The following RHOA variants were observed in gnomAD, a reference collection of about 807,000 sequenced individuals.
RHOA encodes the protein ras homolog family member A, also known as transforming protein RhoA.
In RHOA, 3 loss-of-function variants were observed where a neutral mutation model predicts 17.5. That is an observed-to-expected ratio of 0.17 (90% CI 0.08 to 0.44). The LOEUF is 0.44. Ranked by LOEUF, RHOA falls within the 20% of genes least tolerant of loss-of-function variation. The probability of loss-of-function intolerance (pLI) is 0.99; values close to 1 mark genes in which losing one functional copy is unlikely to be tolerated. For missense variants in RHOA, 56 were observed against 242.3 expected (o/e 0.23, Z 5.10); for synonymous variants, 98 against 88.4 (o/e 1.11, Z -0.61).
At chr3:49,400,465 A>C (rs1158571043) in intron 1 of RHOA, among the ~76,000 whole-genome samples, 6 of 152,204 alleles carry the variant, frequency 3.9e-5, no homozygotes, top group Non-Finnish European at 7.4e-5. Context: ...TGGCTACTCT[A>C]AATTCTTCTT....
intron 1 of RHOA, among the ~76,000 whole-genome samples, chr3:49,402,162 T>C (rs899094125): frequency 1.3e-5 from 2 of 152,194 alleles, no homozygotes; most frequent in African/African-American, 2.4e-5. Context: ...AAATCATTTA[T>C]CTCAAAATGT....
intron 3 of RHOA, chr3:49,365,186 A>C (rs2048035575): frequency 2.7e-5 from 4 of 146,856 alleles, no homozygotes; most frequent in Non-Finnish European, 4.5e-5. Context: ...TCTGTCGCCC[A>C]GGCTGGAGCG....
intron 1 of RHOA, among the ~76,000 whole-genome samples, chr3:49,388,582 A>T (rs2048441011): frequency 6.6e-6 from 1 of 152,164 alleles, no homozygotes; most frequent in Non-Finnish European, 1.5e-5. Flanking sequence ...CCATGCATTA[A>T]TGAGCAACTC....
intron 1 of RHOA, among the ~76,000 whole-genome samples, chr3:49,400,219 A>C (rs993003651): frequency 5.1e-4 from 5 of 9,818 alleles, no homozygotes; most frequent in Admixed American, 5.0e-3. Context: ...CTCAAAAAAA[A>C]AAAAAAACAA....
At chr3:49,385,002 G>A (rs1011737347) in intron 1 of RHOA, among the ~76,000 whole-genome samples, 4 of 149,732 alleles carry the variant, frequency 2.7e-5, no homozygotes, top group African/African-American at 9.8e-5. Context: ...GGCGGAGGTT[G>A]CAGTGAGCTG....
Position 49,393,672 on chromosome 3 carries a change from CTCTCTGTGTGTGTGTGTGTGTG to C in RHOA, c.-2-18103_-2-18082del, listed in dbSNP as rs2048555571. Among the ~76,000 whole-genome samples, 238 of 54,238 alleles carry C rather than the reference CTCTCTGTGTGTGTGTGTGTGTG, an allele frequency of 4.4e-3. 6 individuals carry two copies. Among genetic ancestry groups the C allele is most frequent in the African/African-American group, 0.014 (221 of 15,578 alleles). The allele number at this position is 54,238 out of a possible 152,430, so 35.6% of individuals were successfully genotyped here. A position where few individuals can be genotyped will look rare whatever the true frequency, so the allele number is the denominator to read the frequency against. ...CCACAGGTCCCTTGTCTCAAATTCT[CTCTCTGTGTGTGTGTGTGTGTG>C]TGTGTGTGTGTGTGTGTGTGTGTGT... On this transcript the variant is annotated intron_variant, in intron 1 of 4. Coordinates refer to ENST00000418115, the MANE Select transcript of RHOA (RefSeq NM_001664.4).
In RHOA at chr3:49,371,819, G is replaced by A. The variant is rs950072822; in HGVS notation, c.157-3271C>T. Among the ~76,000 whole-genome samples the A allele has an allele frequency of 4.6e-5, 7 of 152,150 alleles. No individual in the cohort carries two copies. The South Asian group carries it at 1.2e-3, about 27-fold the overall frequency. On this transcript the variant is annotated intron_variant, in intron 2 of 4. Transcript: ENST00000418115. ...ACCATGCCTCAAGGTTTTAAGTCAA[G>A]GTCTCTAAATTTCTTATGGGCAAGA...
chr3:49,362,245 T>C lies in RHOA; in HGVS notation c.408+251A>G, dbSNP rs551883544. 3.3e-4 allele frequency among the ~76,000 whole-genome samples: 50 copies of C among 152,284 alleles called. 1 individual carries two copies. In the East Asian group the frequency reaches 8.1e-3, roughly 25 times the overall value. On this transcript the variant is annotated intron_variant, in intron 4 of 4. Transcript: ENST00000418115. ...GATTACTAGCTACTAATGAAATGGTTCATTCTCAGGCCAGCAGTCCTTATG... is the reference window on the plus strand; with the variant it reads ...GATTACTAGCTACTAATGAAATGGTCCATTCTCAGGCCAGCAGTCCTTATG...
At chr3:49,411,457 G>A (rs940157495) in intron 1 of RHOA, among the ~76,000 whole-genome samples, 13 of 152,220 alleles carry the variant, frequency 8.5e-5, no homozygotes, top group Admixed American at 6.5e-5. Context: ...TCAGCGGCCG[G>A]CTACACTGCG....
Position 49,410,510 on chromosome 3 carries a change from A to G in RHOA, c.-3+1310T>C, listed in dbSNP as rs992339827. 2.6e-5 allele frequency among the ~76,000 whole-genome samples: 4 copies of G among 152,232 alleles called. No homozygotes were observed. In the South Asian group the frequency reaches 6.2e-4, roughly 24 times the overall value. ...TCCCCAAGAGCCATCAGTGCTCCAC[A>G]AAAGTAGATGGAACCAATTAAGACA... On this transcript the variant is annotated intron_variant, in intron 1 of 4. Transcript: ENST00000418115.
intron 3 of RHOA, chr3:49,366,942 T>C (rs2048065978): frequency 6.6e-6 from 1 of 151,992 alleles, no homozygotes; most frequent in African/African-American, 2.4e-5. Flanking sequence ...GCAGCACAAG[T>C]TTATTAATAG....
intron 1 of RHOA, among the ~76,000 whole-genome samples, chr3:49,408,825 C>T (rs1362924092): frequency 2.0e-5 from 3 of 150,398 alleles, no homozygotes; most frequent in African/African-American, 7.3e-5. Flanking sequence ...CGGAGTCTCG[C>T]TCTGTTGCCC....
intron 1 of RHOA, among the ~76,000 whole-genome samples, chr3:49,376,088 G>T (rs1451930847): frequency 1.3e-5 from 2 of 151,894 alleles, no homozygotes; most frequent in African/African-American, 4.8e-5. Context: ...TGATCCACCT[G>T]CCTCAGCCTC....
chr3:49,372,578 C>CA (rs1334833401), intron 2 of RHOA, among the ~76,000 whole-genome samples: 1 of 151,924 alleles, frequency 6.6e-6, no homozygotes, highest in Non-Finnish European at 1.5e-5. Context: ...ACTAAAAATA[C>CA]AAAAAACTAG....
intron 1 of RHOA, among the ~76,000 whole-genome samples, chr3:49,405,091 T>TA (rs2048804332): frequency 1.5e-5 from 2 of 136,616 alleles, no homozygotes; most frequent in Admixed American, 7.2e-5. Context: ...CTACTAAAAA[T>TA]ACAAAAAAAA....
chr3:49,368,399 G>T, intron 3 of RHOA, 29 bp downstream of exon 3: 1 of 1,599,384 alleles, frequency 6.3e-7, no homozygotes, highest in Non-Finnish European at 8.6e-7. Context: ...CACAGGCAGT[G>T]ACAAATATCA....
chr3:49,401,820 GA>G (rs1420323201), intron 1 of RHOA, among the ~76,000 whole-genome samples: 2 of 152,116 alleles, frequency 1.3e-5, no homozygotes, highest in African/African-American at 4.8e-5. Context: ...TCCAAAAATT[GA>G]AAGTCTGAAA....
intron 1 of RHOA, among the ~76,000 whole-genome samples, chr3:49,380,671 CAAAAATAAT>C (rs1337780436): frequency 5.4e-5 from 6 of 111,998 alleles, no homozygotes; most frequent in African/African-American, 1.5e-4. Context: ...ACTCTTGTCT[CAAAAATAAT>C]AATAATAATA....
At chr3:49,379,054 A>C (rs1166477100) in intron 1 of RHOA, among the ~76,000 whole-genome samples, 1 of 152,218 alleles carries the variant, frequency 6.6e-6, no homozygotes, top group Admixed American at 6.6e-5. Flanking sequence ...AAACAAAAAC[A>C]TATGTCCACA....
Sources: gnomAD v4.1 joint callset for allele counts (sites outside exome capture counted in the v4.1 genomes callset) on GRCh38, gnomAD v4.1.1 for gene constraint, MANE v1.5 for transcripts, NCBI Gene and HGNC (gene_info 2026-07-23, HGNC 2026-07-21) for gene names.